FRMD3: variants seen among roughly 807,000 people sequenced by gnomAD.
The protein encoded by FRMD3 is FERM domain-containing protein 3.
FRMD3 carries 33 observed loss-of-function variants against 70.2 expected under a neutral mutation model. The ratio of observed to expected loss-of-function variants is 0.47; its 90% CI spans 0.36 to 0.63. The LOEUF (loss-of-function observed/expected upper bound fraction) is 0.63, where lower values mean the gene tolerates loss of function less well. Among genes scored for constraint, FRMD3 ranks in the 20% least tolerant of loss-of-function variants. The pLI is 0.00. For synonymous variants in FRMD3, 279 were observed against 255.9 expected, an observed-to-expected ratio of 1.09 and a Z score of -0.86; for missense variants, 632 against 711.4, an observed-to-expected ratio of 0.89 and a Z score of 1.27.
chr9:83,301,574 C>T (rs1392388517), intron 10 of FRMD3, among the ~76,000 whole-genome samples: 4 of 150,214 alleles, frequency 2.7e-5, no homozygotes, highest in African/African-American at 9.8e-5. Flanking sequence ...AAAATTCAAA[C>T]TCAACACTTT....
chr9:83,295,357 A>G (rs1451623104), intron 12 of FRMD3, among the ~76,000 whole-genome samples: 3 of 152,206 alleles, frequency 2.0e-5, no homozygotes, highest in African/African-American at 7.2e-5. Flanking sequence ...TGGAGTTCCT[A>G]TATCCCTCCT....
the FRMD3 span, among the ~76,000 whole-genome samples, chr9:83,547,134 C>A: frequency 6.7e-5 from 10 of 150,248 alleles, no homozygotes; most frequent in South Asian, 2.1e-3. Flanking sequence ...AGAATCAAGA[C>A]GTTAGGACAA....
rs757548840 is a variant in FRMD3, at chr9:83,299,140, A to G, written c.973T>C (p.Phe325Leu). Residue 325 changes from phenylalanine (F) to leucine (L), a missense_variant, in exon 11 of 14, where the codon TTT becomes CTT. Transcript: ENST00000304195. ...TATCGAAATCTACTTCCTTTAAAAA[A>G]TATCTTGCTGCTTGATACAGTCTTG... is the stretch of plus-strand genomic sequence containing the variant. The part of the protein sequence containing the change: ...QIKTVSSSKI[F>L]FKGSRFRYSG... 1 of 1,612,964 alleles carries G rather than the reference A, an allele frequency of 6.2e-7. No individual in the cohort carries two copies. The highest frequency in any genetic ancestry group is 1.1e-5 in the South Asian group (1 of 90,826).
chr9:83,270,361 T>C (rs1259551632), intron 13 of FRMD3, among the ~76,000 whole-genome samples: 4 of 152,188 alleles, frequency 2.6e-5, no homozygotes, highest in Non-Finnish European at 5.9e-5. Context: ...CTGAATTCCA[T>C]GGCTGCTCCT....
intron 1 of FRMD3, among the ~76,000 whole-genome samples, chr9:83,489,373 T>A (rs1336288355): frequency 6.6e-6 from 1 of 152,078 alleles, no homozygotes; most frequent in East Asian, 1.9e-4. Flanking sequence ...AAAGACCTAA[T>A]ATCTGGAATC....
chr9:83,421,938 G>C (rs1826656194), intron 1 of FRMD3, among the ~76,000 whole-genome samples: 1 of 152,036 alleles, frequency 6.6e-6, no homozygotes, highest in South Asian at 2.1e-4. Context: ...GCAATTTTAG[G>C]GGCCAGCCAG....
intron 1 of FRMD3, among the ~76,000 whole-genome samples, chr9:83,508,430 G>A (rs1829255392): frequency 1.3e-5 from 2 of 151,854 alleles, no homozygotes; most frequent in South Asian, 4.1e-4. Context: ...TACTTCGACT[G>A]TTTAGAAAAA....
upstream of FRMD3, among the ~76,000 whole-genome samples, chr9:83,542,282 C>T (rs1250796687): frequency 6.6e-6 from 1 of 152,174 alleles, no homozygotes; most frequent in Non-Finnish European, 1.5e-5. Context: ...AACAGGTGGC[C>T]TGCCCACAAA....
chr9:83,463,087 A>G lies in FRMD3; in HGVS notation c.148-73379T>C, dbSNP rs533884927. 4.9e-4 allele frequency among the ~76,000 whole-genome samples: 74 copies of G among 152,342 alleles called. 1 individual carries two copies. Among genetic ancestry groups the G allele is most frequent in the Admixed American group, 4.8e-3 (74 of 15,306 alleles). On this transcript the variant is annotated intron_variant, in intron 1 of 13. Transcript: ENST00000304195. ...ACCATGATGTTCTGGGGATTCTCTG[A>G]TAGCAAAGAGAAGGAAAGGAAATTA...
chr9:83,379,548 A>G (rs78308497), intron 2 of FRMD3, among the ~76,000 whole-genome samples: 4,992 of 152,256 alleles, frequency 0.033, 287 homozygotes, highest in African/African-American at 0.11. Context: ...AGGCTATAAG[A>G]AAGCTAAGAC....
intron 6 of FRMD3, among the ~76,000 whole-genome samples, chr9:83,333,085 C>T (rs1823446785): frequency 6.6e-6 from 1 of 152,246 alleles, no homozygotes. Context: ...AGCTCCTCTC[C>T]CTCTGCACTG....
At chr9:83,265,129 G>A (rs533449535) in intron 13 of FRMD3, among the ~76,000 whole-genome samples, 7 of 152,186 alleles carry the variant, frequency 4.6e-5, no homozygotes, top group Admixed American at 1.3e-4. Flanking sequence ...GGCCAGGTGC[G>A]GTGGCTCATG....
intron 1 of FRMD3, among the ~76,000 whole-genome samples, chr9:83,405,571 G>C (rs956900099): frequency 4.0e-5 from 6 of 150,736 alleles, no homozygotes; most frequent in Non-Finnish European, 8.8e-5. Flanking sequence ...AGACCAGCCT[G>C]ACCAACATGA....
downstream of FRMD3, chr9:83,244,607 A>T (rs1832000847): frequency 1.1e-6 from 1 of 944,724 alleles, no homozygotes; most frequent in African/African-American, 1.8e-5. Flanking sequence ...AATAAAACTG[A>T]ATGATTGCAA....
chr9:83,446,646 CAAAAAAAAAAA>C (rs780150860), intron 1 of FRMD3, among the ~76,000 whole-genome samples: 38 of 83,342 alleles, frequency 4.6e-4, no homozygotes, highest in Non-Finnish European at 6.5e-4. Flanking sequence ...GACTCGGTCT[CAAAAAAAAAAA>C]AAAAAAAAAA....
At chr9:83,429,373 T>C (rs17404249) in intron 1 of FRMD3, among the ~76,000 whole-genome samples, 3,782 of 152,252 alleles carry the variant, frequency 0.025, 72 homozygotes, top group Non-Finnish European at 0.039. Flanking sequence ...GCCCTATCAA[T>C]TATTAATCCA....
At chr9:83,580,535 C>T in the FRMD3 span, among the ~76,000 whole-genome samples, 2 of 152,080 alleles carry the variant, frequency 1.3e-5, no homozygotes, top group South Asian at 2.1e-4. Flanking sequence ...ACCTCGTGAT[C>T]TCACTTATAT....
chr9:83,318,180 G>A (rs1234414680), intron 6 of FRMD3, among the ~76,000 whole-genome samples: 1 of 152,062 alleles, frequency 6.6e-6, no homozygotes, highest in Non-Finnish European at 1.5e-5. Flanking sequence ...ATATTCCATA[G>A]TGTTAAAGTC....
At chr9:83,380,259 T>A (rs1825313656) in intron 2 of FRMD3, among the ~76,000 whole-genome samples, 2 of 152,162 alleles carry the variant, frequency 1.3e-5, no homozygotes, top group African/African-American at 4.8e-5. Context: ...ACAAATTTAT[T>A]TTGGTTGAGA....
Sources: allele counts gnomAD v4.1 joint callset (sites outside exome capture counted in the v4.1 genomes callset), GRCh38; gene constraint gnomAD v4.1.1; transcripts MANE v1.5; gene names NCBI Gene and HGNC (gene_info 2026-07-23, HGNC 2026-07-21).